The following CFAP99 variants were observed in gnomAD, a reference collection of about 807,000 sequenced individuals.
CFAP99 encodes the protein cilia and flagella associated protein 99.
CFAP99 carries 84 observed loss-of-function variants against 82.7 expected under a neutral mutation model. The observed-to-expected ratio is 1.02, with a 90% CI of 0.85 to 1.22. The LOEUF is 1.22. Among genes scored for constraint, CFAP99 ranks in the 50% most tolerant of loss-of-function variants. The pLI, the probability that CFAP99 is intolerant of heterozygous loss-of-function variation, is 0.00. For missense variants in CFAP99, 1,059 were observed against 983.5 expected, an observed-to-expected ratio of 1.08 and a Z score of -1.03; for synonymous variants, 456 against 429.5, an observed-to-expected ratio of 1.06 and a Z score of -0.76.
At chr4:2,451,418 G>T in intron 10 of CFAP99, 66 bp downstream of exon 10, 1 of 1,480,948 alleles carries the variant, frequency 6.8e-7, no homozygotes, top group South Asian at 1.2e-5. Context: ...AGGCTCAGAG[G>T]AGGGGCCTGG....
chr4:2,445,633 C>T (rs1734147197), intron 6 of CFAP99, among the ~76,000 whole-genome samples: 1 of 152,182 alleles, frequency 6.6e-6, no homozygotes, highest in Non-Finnish European at 1.5e-5. Flanking sequence ...TGGCGTAATG[C>T]AACACCCCCT....
intron 14 of CFAP99, among the ~76,000 whole-genome samples, chr4:2,461,850 C>T (rs966627837): frequency 2.0e-5 from 3 of 152,114 alleles, no homozygotes; most frequent in Non-Finnish European, 4.4e-5. Context: ...TGTGGAGATG[C>T]AGGCCACAGC....
At chr4:2,459,341 A>C in intron 13 of CFAP99, 83 bp downstream of exon 13, 1 of 1,428,564 alleles carries the variant, frequency 7.0e-7, no homozygotes, top group African/African-American at 1.4e-5. Context: ...CAGGGTTCCC[A>C]CCAGAGCCAC....
intron 2 of CFAP99, among the ~76,000 whole-genome samples, chr4:2,433,590 C>G (rs533794862): frequency 5.3e-5 from 8 of 152,220 alleles, no homozygotes; most frequent in Non-Finnish European, 1.2e-4. Flanking sequence ...AGCCCCCTCT[C>G]CATGCCCAGC....
intron 1 of CFAP99, among the ~76,000 whole-genome samples, chr4:2,425,508 G>C (rs576673114): frequency 1.3e-5 from 2 of 152,178 alleles, no homozygotes; most frequent in Non-Finnish European, 2.9e-5. Flanking sequence ...GCTTGTTGCA[G>C]GGTAGAGGAG....
At chr4:2,456,923 A>T (rs116327255) in intron 11 of CFAP99, among the ~76,000 whole-genome samples, 7,238 of 147,072 alleles carry the variant, frequency 0.049, 598 homozygotes, top group African/African-American at 0.17. Flanking sequence ...CATGTTTTGG[A>T]TGTCATGGGT....
intron 1 of CFAP99, 118 bp from the exon 2 acceptor site, chr4:2,426,341 C>A (rs771790767): frequency 2.2e-5 from 15 of 679,302 alleles, no homozygotes; most frequent in Non-Finnish European, 3.6e-5. Context: ...CCCCCAGTCA[C>A]ATCCGGTCTT....
In CFAP99 at chr4:2,454,918, G is replaced by A. The variant is rs756999856; in HGVS notation, c.1161+2572G>A. Among the ~76,000 whole-genome samples, 9 of 148,492 alleles carry A rather than the reference G, an allele frequency of 6.1e-5. No homozygotes were observed. The East Asian group carries it at 8.1e-4, about 13-fold the overall frequency. ...ATTACAGGTGTGAGCCACCATGCCC[G>A]GCCACAGTTTTTCTTTTTTGAGACA... On this transcript the variant is annotated intron_variant, in intron 11 of 14. Transcript: ENST00000635017.
intron 3 of CFAP99, 88 bp from the exon 4 acceptor site, chr4:2,437,981 GA>G: frequency 1.3e-6 from 1 of 741,022 alleles, no homozygotes. Context: ...TGCGTGCCCT[GA>G]CACGGTGGAG....
exon 1 of CFAP99, chr4:2,419,059 G>A (rs1173430620): frequency 6.6e-6 from 1 of 152,168 alleles, no homozygotes; most frequent in Non-Finnish European, 1.5e-5. Flanking sequence ...AGGTGGCGGC[G>A]GCAGGAGGGC....
intron 4 of CFAP99, among the ~76,000 whole-genome samples, chr4:2,442,369 G>C (rs61790171): frequency 4.6e-5 from 7 of 152,166 alleles, no homozygotes; most frequent in African/African-American, 1.7e-4. Flanking sequence ...GGTGGAAGCA[G>C]CTGCGGAAGG....
At chr4:2,461,821 G>GTACCT (rs1411269142) in intron 14 of CFAP99, among the ~76,000 whole-genome samples, 1 of 151,970 alleles carries the variant, frequency 6.6e-6, no homozygotes, top group Non-Finnish European at 1.5e-5. Flanking sequence ...AAGGATCAAG[G>GTACCT]GCCATGTCTG....
chr4:2,440,127 C>A (rs1734000564), intron 4 of CFAP99, among the ~76,000 whole-genome samples: 1 of 146,006 alleles, frequency 6.8e-6, no homozygotes, highest in Admixed American at 6.9e-5. Flanking sequence ...CAGGCGTGAG[C>A]CACTGCGCCC....
chr4:2,449,975 C>T, exon 8 of CFAP99: 4 of 1,536,184 alleles, frequency 2.6e-6, no homozygotes, highest in Non-Finnish European at 3.5e-6. Context: ...TGCGCTGCGC[C>T]ATGCCCAGGT....
Position 2,451,366 on chromosome 4 carries a change from G to A in CFAP99, c.956+14G>A. 1.3e-6 allele frequency: 2 copies of A among 1,534,494 alleles called. No individual in the cohort carries two copies. Among genetic ancestry groups the A allele is most frequent in the Non-Finnish European group, 1.7e-6 (2 of 1,146,348 alleles). On this transcript the variant is annotated intron_variant, in intron 10 of 14. Transcript: ENST00000635017. ...GGAGCTGCAGAGGTGAAGGGCGGCA[G>A]GCCCCCCCACCTGCCTTCCACGGCA...
chr4:2,429,767 A>G (rs920474499), intron 2 of CFAP99, among the ~76,000 whole-genome samples: 1 of 151,790 alleles, frequency 6.6e-6, no homozygotes, highest in Admixed American at 6.6e-5. Context: ...AATTTTTTGT[A>G]TTTTTAGTAG....
chr4:2,451,183 C>A, intron 9 of CFAP99, 81 bp from the exon 10 acceptor site: 2 of 1,491,322 alleles, frequency 1.3e-6, no homozygotes, highest in Non-Finnish European at 1.8e-6. Context: ...GCAGGTGTGA[C>A]GGGCATGAGG....
At chr4:2,443,739 G>A (rs951823237) in intron 5 of CFAP99, among the ~76,000 whole-genome samples, 4 of 152,258 alleles carry the variant, frequency 2.6e-5, no homozygotes, top group African/African-American at 4.8e-5. Flanking sequence ...GATATCTCTC[G>A]GGGTCCCCAA....
At position 2,448,710 on chromosome 4, in the gene CFAP99, T is replaced by C. The variant is rs552464324; in HGVS notation, c.643-960T>C. On this transcript the variant is annotated intron_variant, in intron 6 of 14. Coordinates refer to ENST00000635017, the Ensembl canonical transcript of CFAP99. This position sits in a 1 kb window ranked among gnomAD's most constrained non-coding sequence, Gnocchi z 5.2. ...CCACCCTCCCTCAAGTGTTTGAGGG[T>C]GGCCAGGAGGGGCTGGAGTGGAGTG... Among the ~76,000 whole-genome samples the C allele has an allele frequency of 5.6e-3, 846 of 152,082 alleles. 3 individuals carry two copies. Among genetic ancestry groups the C allele is most frequent in the African/African-American group, 0.017 (713 of 41,472 alleles).
Sources: gnomAD v4.1 joint callset for allele counts (sites outside exome capture counted in the v4.1 genomes callset) on GRCh38, gnomAD v4.1.1 for gene constraint, Gnocchi (gnomAD v3.1) non-coding constraint, MANE v1.5 for transcripts, NCBI Gene and HGNC (gene_info 2026-07-23, HGNC 2026-07-21) for gene names.